The following MFN2 variants were observed in gnomAD, a reference collection of about 807,000 sequenced individuals.
MFN2 encodes mitofusin-2.
In MFN2, 43 loss-of-function variants were observed where a neutral mutation model predicts 87.5. The ratio of observed to expected loss-of-function variants is 0.49; its 90% CI spans 0.38 to 0.63. MFN2 has a LOEUF of 0.63. MFN2 is among the 30% of genes least tolerant of loss of function. The pLI, the probability that MFN2 is intolerant of heterozygous loss-of-function variation, is 0.00. For missense variants in MFN2, 743 were observed against 972.8 expected, an observed-to-expected ratio of 0.76 and a Z score of 3.14; for synonymous variants, 337 against 359.9, an observed-to-expected ratio of 0.94 and a Z score of 0.72.
At chr1:11,993,997 A>G (rs573314539) in intron 4 of MFN2, among the ~76,000 whole-genome samples, 3 of 152,324 alleles carry the variant, frequency 2.0e-5, no homozygotes, top group African/African-American at 7.2e-5. Flanking sequence ...CTTTGTTTAA[A>G]GGAACACTTC....
chr1:12,004,001 C>G lies in MFN2; in HGVS notation c.1170C>G (p.Cys390Trp). ...AGTACTCTGCTTTCAGGGTTTACTG[C>G]GAGGAAATGCGTGAAGAGCGGCAAG... ...HMAAREQQVY[C>W]EEMREERQDR... is the part of the protein sequence containing the mutation. The change falls in exon 12 of 19, where the codon TGC (cysteine) becomes TGG (tryptophan). Residue 390 changes from cysteine to tryptophan, a missense_variant. Cys to Trp is a radical substitution (Grantham distance 215). Around this residue, in one of 3 missense-constraint regions of MFN2, gnomAD observed 571 missense variants for 670.7 expected, o/e 0.85. Coordinates refer to ENST00000235329, the MANE Select transcript of MFN2 (RefSeq NM_014874.4). This position sits in a 1 kb window ranked among gnomAD's most constrained non-coding sequence, Gnocchi z 4.2. 1 of 1,614,174 alleles carries G rather than the reference C, an allele frequency of 6.2e-7. No homozygotes were observed. Among genetic ancestry groups the G allele is most frequent in the Non-Finnish European group, 8.5e-7 (1 of 1,180,018 alleles).
At chr1:11,996,055 G>A in intron 4 of MFN2, 101 bp from the exon 5 acceptor site, 2 of 1,457,062 alleles carry the variant, frequency 1.4e-6, no homozygotes, top group African/African-American at 1.4e-5. Context: ...TGGCAACATT[G>A]CACTGAATAG....
chr1:12,011,460 A>G (rs1177913340), intron 18 of MFN2, 36 bp from the exon 19 acceptor site: 1 of 1,611,910 alleles, frequency 6.2e-7, no homozygotes, highest in Non-Finnish European at 8.5e-7. Flanking sequence ...GCCTATCATC[A>G]GCTATCATGG....
chr1:11,985,332 G>A (rs1029792900), intron 2 of MFN2, among the ~76,000 whole-genome samples: 4 of 152,068 alleles, frequency 2.6e-5, no homozygotes, highest in Non-Finnish European at 5.9e-5. Context: ...CCAAGGTTCT[G>A]TGATGAAATA....
Position 12,002,984 on chromosome 1 carries a change from C to T in MFN2, c.1160+881C>T, listed in dbSNP as rs563300383. 1.9e-4 allele frequency among the ~76,000 whole-genome samples: 29 copies of T among 152,296 alleles called. No homozygotes were observed. The South Asian group carries it at 5.6e-3, about 29-fold the overall frequency. ...TTTGCTTTCTCAACATCGTTTTTCC[C>T]TCTATCCTTGTTAGTATGTGTAGTT... On this transcript the variant is annotated intron_variant, in intron 11 of 18. Coordinates refer to ENST00000235329, the MANE Select transcript of MFN2 (RefSeq NM_014874.4).
rs569652088 is a variant in MFN2, at chr1:11,986,361, T to A, written c.-4-2804T>A. ...CTGGGTGGAGAACTGAGCAGTAAGA[T>A]TAGGGTGGCTGGGGAGGCAGTGACA... is the stretch of plus-strand genomic sequence containing the variant. On this transcript the variant is annotated intron_variant, in intron 2 of 18. Transcript: ENST00000235329. 6.6e-5 allele frequency among the ~76,000 whole-genome samples: 10 copies of A among 152,202 alleles called. 1 individual carries two copies. The highest frequency in any genetic ancestry group is 2.6e-4 in the Admixed American group (4 of 15,276).
At chr1:12,001,876 C>T (rs960082535) in intron 10 of MFN2, 40 bp downstream of exon 10, 1 of 1,613,644 alleles carries the variant, frequency 6.2e-7, no homozygotes, top group Non-Finnish European at 8.5e-7. Context: ...TTCTGTGCCT[C>T]CCCAGCTCCC....
At chr1:11,980,882 C>T (rs1207816725) in intron 1 of MFN2, among the ~76,000 whole-genome samples, 5 of 152,236 alleles carry the variant, frequency 3.3e-5, no homozygotes, top group African/African-American at 1.2e-4. Flanking sequence ...TCGTTCAGCC[C>T]TGTTTACTTA....
Position 11,989,456 on chromosome 1 carries a change from G to T in MFN2, c.175+113G>T, listed in dbSNP as rs1263459369. ...CTCCCAGGGAAGTCATAACCAGATA[G>T]CCTTAGAAATGCTCTGCTCTTGAAA... On this transcript the variant is annotated intron_variant, in intron 3 of 18. Transcript: ENST00000235329. 3 of 1,221,790 alleles carry T rather than the reference G, an allele frequency of 2.5e-6. No individual in the cohort carries two copies. The African/African-American group carries it at 4.5e-5, about 18-fold the overall frequency. 75.7% of individuals were successfully genotyped at this position (1,221,790 alleles called of 1,614,324 possible).
chr1:11,997,739 T>A (rs552800097), intron 6 of MFN2, among the ~76,000 whole-genome samples: 38 of 152,000 alleles, frequency 2.5e-4, no homozygotes, highest in African/African-American at 8.2e-4. Flanking sequence ...TGTGGCGGAG[T>A]CAGAGGTGTA....
At chr1:11,988,082 T>TGTGTG in intron 2 of MFN2, among the ~76,000 whole-genome samples, 1 of 127,694 alleles carries the variant, frequency 7.8e-6, no homozygotes, top group East Asian at 2.8e-4. Context: ...GACCAATAGT[T>TGTGTG]TTTGTGTGTG....
intron 1 of MFN2, among the ~76,000 whole-genome samples, 175 bp downstream of exon 1, chr1:11,980,659 G>C (rs1645965544): frequency 6.6e-6 from 1 of 152,188 alleles, no homozygotes; most frequent in South Asian, 2.1e-4. Flanking sequence ...TGAGAGGAGG[G>C]GGCGGGCCAC....
chr1:11,989,130 G>A, intron 2 of MFN2, 35 bp from the exon 3 acceptor site: 1 of 1,611,622 alleles, frequency 6.2e-7, no homozygotes. Flanking sequence ...CGAGGTAGGT[G>A]TTGCTGGGTT....
chr1:11,998,587 G>A (rs1639033617), intron 6 of MFN2, among the ~76,000 whole-genome samples, 183 bp from the exon 7 acceptor site: 1 of 152,046 alleles, frequency 6.6e-6, no homozygotes, highest in South Asian at 2.1e-4. Context: ...TCATTTCCAG[G>A]CAATCTGGAA....
chr1:11,992,800 G>A lies in MFN2; in HGVS notation c.311+110G>A, dbSNP rs1353902535. 3.8e-6 allele frequency: 5 copies of A among 1,305,010 alleles called. No individual in the cohort carries two copies. In the East Asian group the frequency reaches 1.2e-4, roughly 30 times the overall value. 80.8% of individuals were successfully genotyped at this position (1,305,010 alleles called of 1,614,324 possible). On this transcript the variant is annotated intron_variant, in intron 4 of 18. Coordinates refer to ENST00000235329, the MANE Select transcript of MFN2 (RefSeq NM_014874.4). ...GCAGGGACATGCTTCAGAATTCATT[G>A]CTTTCCTCTTAATTTATATTTTATT...
In MFN2 at chr1:11,998,235, A is replaced by G. The variant is rs559966983; in HGVS notation, c.600-535A>G. On this transcript the variant is annotated intron_variant, in intron 6 of 18. Coordinates refer to ENST00000235329, the MANE Select transcript of MFN2 (RefSeq NM_014874.4). Reference sequence around the variant, plus strand: ...AAGTAATTCTGTTTTTATAAAAGCAATAGATATATGTGTTTAAAAACACTC... The same window carrying G: ...AAGTAATTCTGTTTTTATAAAAGCAGTAGATATATGTGTTTAAAAACACTC... Among the ~76,000 whole-genome samples, 34 of 152,104 alleles carry G rather than the reference A, an allele frequency of 2.2e-4. No individual in the cohort carries two copies. In the South Asian group the frequency reaches 2.5e-3, roughly 11 times the overall value.
Position 12,003,132 on chromosome 1 carries a change from T to C in MFN2, c.1161-860T>C, listed in dbSNP as rs920343704. 6.6e-6 allele frequency among the ~76,000 whole-genome samples: 1 copy of C among 152,230 alleles called. No individual in the cohort carries two copies. The highest frequency in any genetic ancestry group is 2.4e-5 in the African/African-American group (1 of 41,454). On this transcript the variant is annotated intron_variant, in intron 11 of 18. Coordinates refer to ENST00000235329, the MANE Select transcript of MFN2 (RefSeq NM_014874.4). The surrounding 1 kb of genome is among the most constrained non-coding windows in gnomAD (Gnocchi z 4.1). ...CTACTGCAGTGGACATTTGTTCATGTGTCCCCTTGTGCACCTTTTTAAGAG... is the reference window on the plus strand; with the variant it reads ...CTACTGCAGTGGACATTTGTTCATGCGTCCCCTTGTGCACCTTTTTAAGAG...
chr1:12,013,470 A>C lies in MFN2; in HGVS notation c.*1905A>C, dbSNP rs1639775978. ...TTGAGTTACTCCTGTATCATTGCTC[A>C]TAATATTGGAAACTAAAATAAAACC... On this transcript the variant is annotated 3_prime_UTR_variant, in exon 19 of 19. Coordinates refer to ENST00000235329, the MANE Select transcript of MFN2 (RefSeq NM_014874.4). The C allele has an allele frequency of 2.4e-6, 1 of 413,594 alleles. No homozygotes were observed. Among genetic ancestry groups the C allele is most frequent in the African/African-American group, 2.1e-5 (1 of 47,514 alleles). The allele number at this position is 413,594 out of a possible 1,614,324, so 25.6% of individuals were successfully genotyped here.
In MFN2 at chr1:12,003,983, T is replaced by C. The variant is rs751164500; in HGVS notation, c.1161-9T>C. 5 of 1,614,200 alleles carry C rather than the reference T, an allele frequency of 3.1e-6. No homozygotes were observed. The South Asian group carries it at 5.5e-5, about 18-fold the overall frequency. On this transcript the variant is annotated splice_polypyrimidine_tract_variant and intron_variant, in intron 11 of 18. Coordinates refer to ENST00000235329, the MANE Select transcript of MFN2 (RefSeq NM_014874.4). The surrounding 1 kb of genome is among the most constrained non-coding windows in gnomAD (Gnocchi z 4.1). Reference sequence around the variant, plus strand: ...GAACATGGATTTCTCACCAGTACTCTGCTTTCAGGGTTTACTGCGAGGAAA... The same window carrying C: ...GAACATGGATTTCTCACCAGTACTCCGCTTTCAGGGTTTACTGCGAGGAAA...
Sources: gnomAD v4.1 joint callset for allele counts (sites outside exome capture counted in the v4.1 genomes callset) on GRCh38, gnomAD v4.1.1 for gene constraint, gnomAD v4.1.1 regional missense constraint, Gnocchi (gnomAD v3.1) non-coding constraint, MANE v1.5 for transcripts, NCBI Gene and HGNC (gene_info 2026-07-23, HGNC 2026-07-21) for gene names.